ECT2: variants seen among roughly 807,000 people sequenced by gnomAD.
The protein encoded by ECT2 is epithelial cell transforming 2, also known as protein ECT2.
Under a neutral mutation model 116.9 loss-of-function variants are expected in ECT2, and 61 were observed. That is an observed-to-expected ratio of 0.52 (90% CI 0.42 to 0.65). The LOEUF (loss-of-function observed/expected upper bound fraction) is 0.65, where lower values mean the gene tolerates loss of function less well. Among genes scored for constraint, ECT2 ranks in the 30% least tolerant of loss-of-function variants. The probability of loss-of-function intolerance (pLI) is 0.00; values close to 1 mark genes in which losing one functional copy is unlikely to be tolerated. For missense variants in ECT2, 937 were observed against 1,078.7 expected, an observed-to-expected ratio of 0.87 and a Z score of 1.84; for synonymous variants, 358 against 346.4, an observed-to-expected ratio of 1.03 and a Z score of -0.37.
chr3:172,777,782 C>G (rs922512716), intron 14 of ECT2, among the ~76,000 whole-genome samples: 1 of 152,086 alleles, frequency 6.6e-6, no homozygotes, highest in African/African-American at 2.4e-5. Context: ...GCCTGTAGTT[C>G]CAACTCTTCG....
chr3:172,794,874 C>G (rs1166563905), intron 18 of ECT2, among the ~76,000 whole-genome samples: 1 of 151,918 alleles, frequency 6.6e-6, no homozygotes, highest in Non-Finnish European at 1.5e-5. Flanking sequence ...ACCATCACAC[C>G]TGGCTAATTT....
chr3:172,760,155 G>T lies in ECT2; in HGVS notation c.577-1G>T. The T allele has an allele frequency of 6.3e-7, 1 of 1,592,248 alleles. No homozygotes were observed. The highest frequency in any genetic ancestry group is 2.3e-5 in the East Asian group (1 of 44,044). The stretch of plus-strand genomic sequence containing the variant: ...CAGTGTTGCTTAATTTTTCTTTTGA[G>T]GTCAGGTTGGTGACATTGGTCCATC... On this transcript the variant is annotated splice_acceptor_variant, in intron 6 of 24. Coordinates refer to ENST00000392692, the MANE Select transcript of ECT2 (RefSeq NM_001258315.2). LOFTEE classifies it high-confidence loss of function.
chr3:172,797,490 C>T (rs1725936842), intron 18 of ECT2, among the ~76,000 whole-genome samples: 3 of 152,170 alleles, frequency 2.0e-5, no homozygotes, highest in Admixed American at 2.0e-4. Context: ...GGTTCTAACT[C>T]TGCTGTTATA....
At chr3:172,806,053 T>G in intron 21 of ECT2, 184 bp downstream of exon 21, 3 of 585,338 alleles carry the variant, frequency 5.1e-6, no homozygotes, top group Non-Finnish European at 8.4e-6. Flanking sequence ...ACTGACTTTT[T>G]GTTTTCTCAA....
chr3:172,786,769 GCTATTAAA>G (rs1309248090), intron 18 of ECT2, among the ~76,000 whole-genome samples, 195 bp downstream of exon 18: 1 of 152,054 alleles, frequency 6.6e-6, no homozygotes, highest in African/African-American at 2.4e-5. Flanking sequence ...TTATTTCTAA[GCTATTAAA>G]CTATTGTGCA....
downstream of ECT2, among the ~76,000 whole-genome samples, chr3:172,825,727 T>A (rs562878130): frequency 3.3e-5 from 5 of 152,144 alleles, no homozygotes; most frequent in Admixed American, 2.6e-4. Flanking sequence ...AGGAAAGAAA[T>A]GGTCTCCAAA....
At chr3:172,777,410 C>A (rs1261068918) in intron 14 of ECT2, among the ~76,000 whole-genome samples, 1 of 152,158 alleles carries the variant, frequency 6.6e-6, no homozygotes, top group African/African-American at 2.4e-5. Flanking sequence ...TTAAGACTAG[C>A]ACTCACTGTA....
intron 18 of ECT2, among the ~76,000 whole-genome samples, chr3:172,801,520 G>A (rs773752487): frequency 8.5e-5 from 13 of 152,056 alleles, no homozygotes; most frequent in Non-Finnish European, 1.6e-4. Flanking sequence ...TTTCTTACAC[G>A]CATACAGTGA....
At chr3:172,792,943 C>T (rs1682722902) in intron 18 of ECT2, among the ~76,000 whole-genome samples, 1 of 152,096 alleles carries the variant, frequency 6.6e-6, no homozygotes, top group Non-Finnish European at 1.5e-5. Context: ...TGGTCTCAAA[C>T]TCCTGGAGTC....
chr3:172,752,462 C>T (rs1043280179), intron 1 of ECT2: 6 of 151,788 alleles, frequency 4.0e-5, no homozygotes, highest in African/African-American at 1.2e-4. Context: ...CTCTTCCAGT[C>T]CTTAAAGCAG....
At chr3:172,804,204 A>G (rs1282488766) in intron 20 of ECT2, among the ~76,000 whole-genome samples, 2 of 152,202 alleles carry the variant, frequency 1.3e-5, no homozygotes, top group Non-Finnish European at 2.9e-5. Flanking sequence ...TATTATTTAT[A>G]GTATAGAATA....
chr3:172,828,615 C>CTTT, the ECT2 span: 1 of 154,112 alleles, frequency 6.5e-6, no homozygotes, highest in Admixed American at 6.8e-5. Flanking sequence ...AAACTGGTAT[C>CTTT]TTTTTTTTTT....
chr3:172,803,064 A>G, intron 20 of ECT2, 84 bp downstream of exon 20: 1 of 1,255,242 alleles, frequency 8.0e-7, no homozygotes, highest in Non-Finnish European at 1.1e-6. Flanking sequence ...TTAATTGAAG[A>G]GTAATGTAGA....
At chr3:172,797,368 T>C (rs933058049) in intron 18 of ECT2, among the ~76,000 whole-genome samples, 27 of 152,130 alleles carry the variant, frequency 1.8e-4, no homozygotes, top group African/African-American at 6.5e-4. Context: ...TCACAGCACA[T>C]GATTTTCAGG....
At chr3:172,796,607 T>C (rs976011958) in intron 18 of ECT2, 2 of 152,316 alleles carry the variant, frequency 1.3e-5, no homozygotes, top group Admixed American at 1.3e-4. Context: ...CTGATATCTG[T>C]TTAATTTCCT....
At chr3:172,809,685 A>G (rs758761142) in intron 22 of ECT2, among the ~76,000 whole-genome samples, 18 of 152,144 alleles carry the variant, frequency 1.2e-4, no homozygotes, top group South Asian at 2.1e-4. Flanking sequence ...CCCTGTATAT[A>G]TATAATTTTT....
At chr3:172,818,575 G>A in intron 24 of ECT2, 1 of 1,283,912 alleles carries the variant, frequency 7.8e-7, no homozygotes, top group East Asian at 5.6e-5. Context: ...CACAAGCAAT[G>A]TAATTGGATT....
In ECT2 at chr3:172,756,705, A is replaced by G. The variant is rs527289569; in HGVS notation, c.304-278A>G. Among the ~76,000 whole-genome samples, 16 of 152,302 alleles carry G rather than the reference A, an allele frequency of 1.1e-4. No individual in the cohort carries two copies. In the East Asian group the frequency reaches 3.1e-3, roughly 29 times the overall value. On this transcript the variant is annotated intron_variant, in intron 4 of 24. Transcript: ENST00000392692. ...ATGCATACTTGATGATTTATGACTA[A>G]TAAGTAATAAGTCAGAATTATGCCT...
intron 18 of ECT2, among the ~76,000 whole-genome samples, chr3:172,788,748 A>T (rs1724054998): frequency 6.6e-6 from 1 of 152,236 alleles, no homozygotes; most frequent in South Asian, 2.1e-4. Context: ...ACATATCTTA[A>T]TGAAAAATTA....
Sources: gnomAD v4.1 joint callset for allele counts (sites outside exome capture counted in the v4.1 genomes callset) on GRCh38, gnomAD v4.1.1 for gene constraint, MANE v1.5 for transcripts, NCBI Gene and HGNC (gene_info 2026-07-23, HGNC 2026-07-21) for gene names.